Variants in PARD3 observed in about 807,000 individuals in gnomAD.
PARD3 encodes the protein par-3 family cell polarity regulator.
A neutral mutation model predicts 155.4 loss-of-function variants in PARD3; 75 were observed. The ratio of observed to expected loss-of-function variants is 0.48; its 90% CI spans 0.40 to 0.58. The LOEUF is 0.58. Among genes scored for constraint, PARD3 ranks in the 20% least tolerant of loss-of-function variants. The pLI, the probability that PARD3 is intolerant of heterozygous loss-of-function variation, is 0.00. For synonymous variants in PARD3, 576 were observed against 610.5 expected, an observed-to-expected ratio of 0.94 and a Z score of 0.83; for missense variants, 1,642 against 1,721.7, an observed-to-expected ratio of 0.95 and a Z score of 0.82.
chr10:34,641,680 C>T (rs999161661), intron 2 of PARD3, among the ~76,000 whole-genome samples: 3 of 152,196 alleles, frequency 2.0e-5, no homozygotes, highest in African/African-American at 7.2e-5. Context: ...CATGGCGGAG[C>T]ACCACGCATG....
chr10:34,797,380 G>T (rs1842383434), intron 1 of PARD3, among the ~76,000 whole-genome samples: 1 of 152,160 alleles, frequency 6.6e-6, no homozygotes, highest in Non-Finnish European at 1.5e-5. Context: ...CTCAACTCCT[G>T]GCCTCAAGCA....
chr10:34,429,926 C>T (rs1402876869), intron 5 of PARD3, among the ~76,000 whole-genome samples: 5 of 152,152 alleles, frequency 3.3e-5, no homozygotes, highest in Non-Finnish European at 5.9e-5. Context: ...GATGGATTCT[C>T]ATTATGCTGC....
intron 1 of PARD3, among the ~76,000 whole-genome samples, chr10:34,769,872 C>CAA (rs1261205726): frequency 4.0e-5 from 6 of 151,430 alleles, no homozygotes; most frequent in Non-Finnish European, 7.4e-5. Context: ...TTCATACACA[C>CAA]ACACACACAA....
At chr10:34,646,675 C>T (rs566804960) in intron 2 of PARD3, among the ~76,000 whole-genome samples, 2 of 152,260 alleles carry the variant, frequency 1.3e-5, no homozygotes, top group South Asian at 2.1e-4. Flanking sequence ...AATTGCTTTT[C>T]GTGTGCGTGA....
At chr10:34,121,655 C>A (rs1393206465) in intron 23 of PARD3, among the ~76,000 whole-genome samples, 3 of 152,196 alleles carry the variant, frequency 2.0e-5, no homozygotes, top group African/African-American at 7.2e-5. Flanking sequence ...GCAAAGCCAG[C>A]ACAACCTTAC....
Position 34,357,549 on chromosome 10 carries a change from CTTAAG to C in PARD3, c.2067+1593_2067+1597del, listed in dbSNP as rs557472929. ...TGTTTTCATATAGTGCTTTGTGGGA[CTTAAG>C]TTAAAAGATCAGCTAATGATTTTGC... On this transcript the variant is annotated intron_variant, in intron 14 of 24. Coordinates refer to ENST00000374788, the MANE Select transcript of PARD3 (RefSeq NM_001184785.2). Among the ~76,000 whole-genome samples, 12 of 152,172 alleles carry C rather than the reference CTTAAG, an allele frequency of 7.9e-5. No homozygotes were observed. The East Asian group carries it at 2.3e-3, about 29-fold the overall frequency.
chr10:34,812,990 T>C (rs1844395212), intron 1 of PARD3, among the ~76,000 whole-genome samples: 1 of 152,146 alleles, frequency 6.6e-6, no homozygotes, highest in African/African-American at 2.4e-5. Flanking sequence ...CATCACCAGC[T>C]CCTTCACCTG....
chr10:34,644,998 C>G (rs568032971), intron 2 of PARD3, among the ~76,000 whole-genome samples: 1 of 151,990 alleles, frequency 6.6e-6, no homozygotes, highest in Admixed American at 6.6e-5. Flanking sequence ...GGACTACAGG[C>G]GAGTGCCACC....
intron 23 of PARD3, among the ~76,000 whole-genome samples, chr10:34,127,645 C>T (rs772623610): frequency 1.3e-5 from 2 of 152,096 alleles, no homozygotes; most frequent in Non-Finnish European, 2.9e-5. Flanking sequence ...ATCCACATTC[C>T]CAGGCAAAGT....
At chr10:34,206,141 G>T (rs1428059518) in intron 22 of PARD3, among the ~76,000 whole-genome samples, 1 of 152,224 alleles carries the variant, frequency 6.6e-6, no homozygotes, top group East Asian at 1.9e-4. Flanking sequence ...CCATGGAAGG[G>T]AGGAGAGGCA....
At chr10:34,792,680 G>C (rs1338410602) in intron 1 of PARD3, among the ~76,000 whole-genome samples, 3 of 152,164 alleles carry the variant, frequency 2.0e-5, no homozygotes, top group African/African-American at 7.2e-5. Context: ...CCTGCACCCA[G>C]GAGGTCTACA....
At chr10:34,135,016 T>C (rs1314368764) in intron 22 of PARD3, among the ~76,000 whole-genome samples, 1 of 152,226 alleles carries the variant, frequency 6.6e-6, no homozygotes, top group African/African-American at 2.4e-5. Context: ...AATCAACTTA[T>C]ATTTAGGTTC....
chr10:34,557,760 C>T (rs531967226), intron 2 of PARD3, among the ~76,000 whole-genome samples: 15 of 151,938 alleles, frequency 9.9e-5, no homozygotes, highest in Middle Eastern at 3.4e-3. Flanking sequence ...ACCCGGCCTC[C>T]CATCTCTAGT....
chr10:34,462,433 AAAAAT>A (rs371234356), intron 4 of PARD3, among the ~76,000 whole-genome samples: 1 of 152,368 alleles, frequency 6.6e-6, no homozygotes, highest in African/African-American at 2.4e-5. Context: ...ATAAAGGGAA[AAAAAT>A]AAAATAAACT....
At position 34,111,074 on chromosome 10, in the gene PARD3, A is replaced by T. The variant is rs1009422967; in HGVS notation, c.*95T>A. On this transcript the variant is annotated 3_prime_UTR_variant, in exon 25 of 25. Transcript: ENST00000374788. ...GATACCAACAACAGAAATACTCCAT[A>T]GTACCATCGAGGTTTTAAAAAAACT... 6.7e-5 allele frequency: 89 copies of T among 1,331,978 alleles called. No individual in the cohort carries two copies. Among genetic ancestry groups the T allele is most frequent in the Non-Finnish European group, 8.2e-5 (80 of 974,636 alleles). 82.5% of individuals were successfully genotyped at this position (1,331,978 alleles called of 1,614,324 possible). A position where few individuals can be genotyped will look rare whatever the true frequency, so the allele number is the denominator to read the frequency against.
At chr10:34,505,583 A>C (rs114172513) in intron 3 of PARD3, among the ~76,000 whole-genome samples, 1 of 150,160 alleles carries the variant, frequency 6.7e-6, no homozygotes, top group Non-Finnish European at 1.5e-5. Context: ...CTCTGTGGAC[A>C]CCCTACAGGC....
chr10:34,718,738 G>A lies in PARD3; in HGVS notation c.121-22319C>T, dbSNP rs567717026. Among the ~76,000 whole-genome samples, 64 of 152,328 alleles carry A rather than the reference G, an allele frequency of 4.2e-4. 2 individuals are homozygous for A. Among genetic ancestry groups the A allele is most frequent in the Admixed American group, 3.7e-3 (57 of 15,308 alleles). ...AGCACTTCGGGAGGCCGAGGTAGGC[G>A]GATCACCTGAGGTCAGGAGTTCGAG... On this transcript the variant is annotated intron_variant, in intron 1 of 24. Coordinates refer to ENST00000374788, the MANE Select transcript of PARD3 (RefSeq NM_001184785.2).
chr10:34,723,372 C>T lies in PARD3; in HGVS notation c.121-26953G>A, dbSNP rs112549086. 5.6e-3 allele frequency among the ~76,000 whole-genome samples: 850 copies of T among 152,204 alleles called. 8 individuals are homozygous for T. Among genetic ancestry groups the T allele is most frequent in the African/African-American group, 0.019 (800 of 41,526 alleles). ...TTTACATGTATCCAGTAAAATCATACGAGAAAAAGGCCACCAATGATGGCT... is the reference window on the plus strand; with the variant it reads ...TTTACATGTATCCAGTAAAATCATATGAGAAAAAGGCCACCAATGATGGCT... On this transcript the variant is annotated intron_variant, in intron 1 of 24. Coordinates refer to ENST00000374788, the MANE Select transcript of PARD3 (RefSeq NM_001184785.2).
At chr10:34,328,361 C>T (rs1295961506) in intron 19 of PARD3, among the ~76,000 whole-genome samples, 1 of 151,944 alleles carries the variant, frequency 6.6e-6, no homozygotes, top group African/African-American at 2.4e-5. Flanking sequence ...AGGGGGTTAG[C>T]GTGCCAGAAG....
Sources: allele counts gnomAD v4.1 joint callset (sites outside exome capture counted in the v4.1 genomes callset), GRCh38; gene constraint gnomAD v4.1.1; transcripts MANE v1.5; gene names NCBI Gene and HGNC (gene_info 2026-07-23, HGNC 2026-07-21).